The following RAB38 variants were observed in gnomAD, a reference collection of about 807,000 sequenced individuals.
RAB38 encodes RAB38, member RAS oncogene family, also known as ras-related protein Rab-38.
A neutral mutation model predicts 18.4 loss-of-function variants in RAB38; 15 were observed. The ratio of observed to expected loss-of-function variants is 0.82; its 90% CI spans 0.55 to 1.26. RAB38 has a LOEUF of 1.26. Ranked by LOEUF, RAB38 falls within the 50% of genes most tolerant of loss-of-function variation. The pLI is 0.00. For synonymous variants in RAB38, 101 were observed against 104.4 expected (o/e 0.97, Z 0.20); for missense variants, 294 against 267.4 (o/e 1.10, Z -0.69).
the RAB38 span, among the ~76,000 whole-genome samples, chr11:87,952,242 T>A: frequency 6.6e-6 from 1 of 152,262 alleles, no homozygotes; most frequent in Middle Eastern, 3.4e-3. Context: ...CTCTTTTGTA[T>A]CTCTCAAAGT....
At chr11:88,127,370 G>A (rs1942711500) in intron 2 of RAB38, among the ~76,000 whole-genome samples, 1 of 152,174 alleles carries the variant, frequency 6.6e-6, no homozygotes, top group South Asian at 2.1e-4. Flanking sequence ...TCTCAAAGAA[G>A]GGAATGATTG....
At chr11:88,029,009 C>T in the RAB38 span, among the ~76,000 whole-genome samples, 1 of 152,046 alleles carries the variant, frequency 6.6e-6, no homozygotes, top group Non-Finnish European at 1.5e-5. Flanking sequence ...AAGGGAAACC[C>T]ATCAGACTAA....
intron 2 of RAB38, among the ~76,000 whole-genome samples, chr11:88,122,741 T>G (rs1177928671): frequency 6.6e-6 from 1 of 152,258 alleles, no homozygotes; most frequent in Admixed American, 6.5e-5. Context: ...ATTTATTGAG[T>G]GCTATCTATG....
In RAB38 at chr11:88,139,055, A is replaced by G. The variant is rs541885866; in HGVS notation, c.483+10620T>C. 1.9e-3 allele frequency among the ~76,000 whole-genome samples: 296 copies of G among 152,286 alleles called. 2 individuals are homozygous for G. Among genetic ancestry groups the G allele is most frequent in the African/African-American group, 6.8e-3 (281 of 41,540 alleles). ...CGCCTCCGCCTCCCAAAGTGCTGGG[A>G]TAACAGGTGTGAGCCACCATGCCTG... On this transcript the variant is annotated intron_variant, in intron 2 of 2. Coordinates refer to ENST00000243662, the MANE Select transcript of RAB38 (RefSeq NM_022337.3).
the RAB38 span, among the ~76,000 whole-genome samples, chr11:88,067,992 T>TAC: frequency 4.1e-5 from 6 of 147,864 alleles, no homozygotes; most frequent in Middle Eastern, 3.6e-3. Flanking sequence ...CTTATATATA[T>TAC]ACACATATCT....
chr11:87,967,399 G>C, the RAB38 span, among the ~76,000 whole-genome samples: 1 of 152,126 alleles, frequency 6.6e-6, no homozygotes, highest in Non-Finnish European at 1.5e-5. Context: ...GTCAATAGCT[G>C]TACTGCCCAC....
the RAB38 span, among the ~76,000 whole-genome samples, chr11:88,027,671 G>A: frequency 1.5e-5 from 2 of 131,554 alleles, no homozygotes; most frequent in Admixed American, 1.4e-4. Context: ...GGCTGGGGGA[G>A]GGGCGCCCGC....
the RAB38 span, among the ~76,000 whole-genome samples, chr11:88,074,678 C>T: frequency 1.2e-4 from 19 of 152,152 alleles, no homozygotes; most frequent in African/African-American, 4.1e-4. Flanking sequence ...AAACAAACAA[C>T]GAAATGGCAG....
At chr11:88,035,150 T>G in the RAB38 span, among the ~76,000 whole-genome samples, 17 of 152,326 alleles carry the variant, frequency 1.1e-4, no homozygotes, top group African/African-American at 4.1e-4. Flanking sequence ...GACTTTTGCT[T>G]ATTTATTTTT....
the RAB38 span, among the ~76,000 whole-genome samples, chr11:88,079,786 A>C: frequency 6.6e-5 from 10 of 151,784 alleles, no homozygotes; most frequent in African/African-American, 2.4e-4. Flanking sequence ...ATCATAAAAA[A>C]GAAAAAAAAT....
the RAB38 span, among the ~76,000 whole-genome samples, chr11:88,028,128 T>A: frequency 6.6e-6 from 1 of 152,110 alleles, no homozygotes; most frequent in South Asian, 2.1e-4. Context: ...GGGTCTGGAG[T>A]GGACCTCTAG....
chr11:88,168,733 A>C (rs1375514010), intron 1 of RAB38, among the ~76,000 whole-genome samples: 1 of 152,148 alleles, frequency 6.6e-6, no homozygotes, highest in Non-Finnish European at 1.5e-5. Context: ...CCTTAATGAC[A>C]GTTTCTTTGT....
chr11:88,170,395 A>G (rs553020612), intron 1 of RAB38, among the ~76,000 whole-genome samples: 1 of 152,348 alleles, frequency 6.6e-6, no homozygotes, highest in East Asian at 1.9e-4. Flanking sequence ...TTGACATTTA[A>G]GACCCATCTT....
chr11:88,074,124 T>C, the RAB38 span, among the ~76,000 whole-genome samples: 1 of 151,458 alleles, frequency 6.6e-6, no homozygotes, highest in African/African-American at 2.4e-5. Context: ...TTTAAAAAAG[T>C]AACAGAAATG....
At chr11:87,977,600 C>T in the RAB38 span, among the ~76,000 whole-genome samples, 109,530 of 116,528 alleles carry the variant, frequency 0.94, 51,509 homozygotes, top group East Asian at 1. Flanking sequence ...TAATTATGTA[C>T]TATACAATTA....
the RAB38 span, among the ~76,000 whole-genome samples, chr11:87,827,232 A>G: frequency 6.6e-6 from 1 of 152,130 alleles, no homozygotes; most frequent in African/African-American, 2.4e-5. Flanking sequence ...AGTAGAATGG[A>G]AAACTTATGA....
chr11:88,100,256 AG>A, the RAB38 span, among the ~76,000 whole-genome samples: 1 of 152,018 alleles, frequency 6.6e-6, no homozygotes, highest in East Asian at 1.9e-4. Flanking sequence ...GAAAAAGAAT[AG>A]TACAATACTG....
the RAB38 span, among the ~76,000 whole-genome samples, chr11:87,920,867 G>C: frequency 6.6e-6 from 1 of 152,030 alleles, no homozygotes. Flanking sequence ...TTGATGAATT[G>C]ATTCCTTTAT....
chr11:87,926,333 C>T, the RAB38 span, among the ~76,000 whole-genome samples: 7 of 151,944 alleles, frequency 4.6e-5, no homozygotes, highest in Non-Finnish European at 8.8e-5. Context: ...ATAAAAATTA[C>T]CAAACTATTG....
Sources: allele counts gnomAD v4.1 joint callset (sites outside exome capture counted in the v4.1 genomes callset), GRCh38; gene constraint gnomAD v4.1.1; transcripts MANE v1.5; gene names NCBI Gene and HGNC (gene_info 2026-07-23, HGNC 2026-07-21).